Variants in MIS18A observed in about 807,000 individuals in gnomAD.
MIS18A encodes protein Mis18-alpha.
MIS18A carries 14 observed loss-of-function variants against 25.0 expected under a neutral mutation model. The ratio of observed to expected loss-of-function variants is 0.56; its 90% confidence interval spans 0.37 to 0.88. The LOEUF is 0.88. Among genes scored for constraint, MIS18A ranks in the 40% least tolerant of loss-of-function variants. MIS18A has a pLI of 0.00. For missense variants in MIS18A, 292 were observed against 290.8 expected, an observed-to-expected ratio of 1.00 and a Z score of -0.03; for synonymous variants, 134 against 118.6, an observed-to-expected ratio of 1.13 and a Z score of -0.84.
the MIS18A span, among the ~76,000 whole-genome samples, chr21:32,227,869 C>T: frequency 6.6e-6 from 1 of 152,072 alleles, no homozygotes; most frequent in Non-Finnish European, 1.5e-5. Context: ...TGAGATTTAT[C>T]CCAGAAATGC....
At chr21:32,156,722 G>T in the MIS18A span, among the ~76,000 whole-genome samples, 2 of 151,994 alleles carry the variant, frequency 1.3e-5, no homozygotes, top group Non-Finnish European at 2.9e-5. Flanking sequence ...GGTTTCCAGC[G>T]GGGGGTTGCA....
the MIS18A span, among the ~76,000 whole-genome samples, chr21:32,202,903 C>A: frequency 2.6e-5 from 4 of 152,268 alleles, no homozygotes; most frequent in African/African-American, 7.2e-5. Flanking sequence ...GTTGTTTCTA[C>A]CTTTTGGCTA....
At chr21:32,162,308 A>G in the MIS18A span, among the ~76,000 whole-genome samples, 1 of 152,044 alleles carries the variant, frequency 6.6e-6, no homozygotes, top group Non-Finnish European at 1.5e-5. Context: ...TCCCAACTGC[A>G]CTTCCTACTC....
At chr21:32,257,210 T>C in the MIS18A span, among the ~76,000 whole-genome samples, 1 of 152,218 alleles carries the variant, frequency 6.6e-6, no homozygotes, top group African/African-American at 2.4e-5. Flanking sequence ...GTGAAATGAC[T>C]ATAGCAAGAC....
At chr21:32,243,378 G>A in the MIS18A span, among the ~76,000 whole-genome samples, 5 of 152,158 alleles carry the variant, frequency 3.3e-5, no homozygotes, top group Non-Finnish European at 5.9e-5. Flanking sequence ...CCAAAGTGCA[G>A]CAGTAAGAAA....
the MIS18A span, among the ~76,000 whole-genome samples, chr21:32,175,809 C>CAAA: frequency 6.6e-6 from 1 of 150,692 alleles, no homozygotes; most frequent in African/African-American, 2.4e-5. Context: ...GACTCCATCT[C>CAAA]AAAAAAAACA....
the MIS18A span, among the ~76,000 whole-genome samples, chr21:32,252,192 A>T: frequency 6.8e-6 from 1 of 146,740 alleles, no homozygotes; most frequent in South Asian, 2.3e-4. Flanking sequence ...TCTCAAAAAA[A>T]GGAAGAGGAG....
chr21:32,206,766 G>A, the MIS18A span, among the ~76,000 whole-genome samples: 1 of 152,124 alleles, frequency 6.6e-6, no homozygotes, highest in Non-Finnish European at 1.5e-5. Context: ...CAGGAAATGA[G>A]GTTATTAAAG....
At chr21:32,278,630 C>T (rs1350250854) in intron 1 of MIS18A, 51 bp downstream of exon 1, 6 of 1,456,528 alleles carry the variant, frequency 4.1e-6, no homozygotes, top group Non-Finnish European at 4.5e-6. Context: ...GCGCGGCACC[C>T]CTGGAAGAAG....
the MIS18A span, among the ~76,000 whole-genome samples, chr21:32,226,615 G>A: frequency 1.3e-5 from 2 of 152,068 alleles, no homozygotes; most frequent in African/African-American, 2.4e-5. Context: ...GACAAAATGG[G>A]CAGATATGAA....
chr21:32,207,510 T>C, the MIS18A span, among the ~76,000 whole-genome samples: 1 of 152,216 alleles, frequency 6.6e-6, no homozygotes, highest in Non-Finnish European at 1.5e-5. Context: ...CCAGCTGGCC[T>C]GGTACAGCCG....
At chr21:32,180,275 A>G in the MIS18A span, among the ~76,000 whole-genome samples, 1 of 152,148 alleles carries the variant, frequency 6.6e-6, no homozygotes, top group Admixed American at 6.5e-5. Context: ...CCCAAGCTGG[A>G]ACTCTGCTTC....
the MIS18A span, among the ~76,000 whole-genome samples, chr21:32,200,695 C>T: frequency 1.3e-5 from 2 of 152,108 alleles, no homozygotes; most frequent in Non-Finnish European, 2.9e-5. Context: ...GCCTTGGCCT[C>T]CCAAAGTGCT....
the MIS18A span, among the ~76,000 whole-genome samples, chr21:32,236,668 A>T: frequency 6.6e-6 from 1 of 152,146 alleles, no homozygotes; most frequent in African/African-American, 2.4e-5. Context: ...AAGTGGGAAC[A>T]GGTAAAGGGG....
the MIS18A span, among the ~76,000 whole-genome samples, chr21:32,250,107 C>T: frequency 1.3e-5 from 2 of 152,094 alleles, no homozygotes; most frequent in Non-Finnish European, 2.9e-5. Flanking sequence ...GCCCAGCCCA[C>T]GAGCCAGCCA....
At chr21:32,198,695 C>G in the MIS18A span, among the ~76,000 whole-genome samples, 2 of 152,344 alleles carry the variant, frequency 1.3e-5, no homozygotes, top group South Asian at 4.1e-4. Context: ...CTCCCAAAGG[C>G]TTTGGAGGCC....
chr21:32,272,495 A>G (rs1450639342), intron 2 of MIS18A, among the ~76,000 whole-genome samples: 1 of 152,224 alleles, frequency 6.6e-6, no homozygotes. Context: ...TTCTCTATCA[A>G]TCCTGATTAG....
the MIS18A span, among the ~76,000 whole-genome samples, chr21:32,207,682 T>C: frequency 1.3e-5 from 2 of 152,186 alleles, no homozygotes; most frequent in Admixed American, 6.5e-5. Context: ...TCTTCTTTTC[T>C]TTTTCTTTTT....
At chr21:32,213,580 C>T in the MIS18A span, among the ~76,000 whole-genome samples, 1 of 152,164 alleles carries the variant, frequency 6.6e-6, no homozygotes, top group Non-Finnish European at 1.5e-5. Context: ...AGTCTTTCTG[C>T]ACTCTGTACC....
Sources: gnomAD v4.1 joint callset for allele counts (sites outside exome capture counted in the v4.1 genomes callset) on GRCh38, gnomAD v4.1.1 for gene constraint, MANE v1.5 for transcripts, NCBI Gene and HGNC (gene_info 2026-07-23, HGNC 2026-07-21) for gene names.